FCHSD2: variants seen among roughly 807,000 people sequenced by gnomAD.
The protein encoded by FCHSD2 is FCH and double SH3 domains 2.
In FCHSD2, 38 loss-of-function variants were observed where a neutral mutation model predicts 108.1. That is an observed-to-expected ratio of 0.35 (90% confidence interval 0.27 to 0.46). The LOEUF (loss-of-function observed/expected upper bound fraction) is 0.46. Among genes scored for constraint, FCHSD2 ranks in the 20% least tolerant of loss-of-function variants. The pLI is 1.00. For synonymous variants in FCHSD2, 279 were observed against 314.7 expected (o/e 0.89, Z 1.20); for missense variants, 751 against 897.8 (o/e 0.84, Z 2.09).
chr11:72,958,337 G>A (rs1021119560), intron 8 of FCHSD2, among the ~76,000 whole-genome samples: 3 of 152,098 alleles, frequency 2.0e-5, no homozygotes, highest in African/African-American at 7.2e-5. Flanking sequence ...GGCCAATGTG[G>A]TGAAACTCTG....
chr11:73,140,558 T>C (rs781557622), intron 1 of FCHSD2, among the ~76,000 whole-genome samples: 1 of 152,174 alleles, frequency 6.6e-6, no homozygotes, highest in Non-Finnish European at 1.5e-5. Context: ...ATGACCAATA[T>C]TTACACAATC....
Position 72,975,107 on chromosome 11 carries a change from T to G in FCHSD2, c.705+8981A>C, listed in dbSNP as rs1440898237. ...TCCTGGCTTATTTCACTTAACATAA[T>G]GTCCTCTAGGGTCATCCATGTTATT... On this transcript the variant is annotated intron_variant, in intron 8 of 19. Coordinates refer to ENST00000409418, the MANE Select transcript of FCHSD2 (RefSeq NM_014824.3). 3.9e-5 allele frequency among the ~76,000 whole-genome samples: 6 copies of G among 152,342 alleles called. No individual in the cohort carries two copies. In the East Asian group the frequency reaches 1.2e-3, roughly 29 times the overall value.
chr11:72,977,630 C>CGA (rs1857127943), intron 8 of FCHSD2, among the ~76,000 whole-genome samples: 1 of 152,224 alleles, frequency 6.6e-6, no homozygotes, highest in South Asian at 2.1e-4. Context: ...AGCGAGCACG[C>CGA]TCTCACACCA....
chr11:72,921,679 C>G (rs1855978027), intron 9 of FCHSD2, 149 bp downstream of exon 9: 2 of 641,492 alleles, frequency 3.1e-6, no homozygotes, highest in Non-Finnish European at 5.3e-6. Flanking sequence ...AGAATCTCCT[C>G]CAACTTTGTT....
chr11:72,978,887 C>T (rs1455840432), intron 8 of FCHSD2, among the ~76,000 whole-genome samples: 2 of 127,516 alleles, frequency 1.6e-5, no homozygotes, highest in African/African-American at 5.9e-5. Flanking sequence ...GATGAAGTCT[C>T]ACTCTGTCAC....
chr11:72,936,040 T>C (rs952359721), intron 8 of FCHSD2, among the ~76,000 whole-genome samples: 1 of 152,238 alleles, frequency 6.6e-6, no homozygotes, highest in Non-Finnish European at 1.5e-5. Context: ...ACAGAAAACC[T>C]TGAACCCTAT....
At chr11:73,067,540 T>C (rs1254117774) in intron 3 of FCHSD2, among the ~76,000 whole-genome samples, 1 of 152,094 alleles carries the variant, frequency 6.6e-6, no homozygotes, top group Non-Finnish European at 1.5e-5. Context: ...CAATTTGAAC[T>C]TCCCCTCTGG....
chr11:72,900,220 T>TACCAAA, intron 10 of FCHSD2: 15 of 886,350 alleles, frequency 1.7e-5, no homozygotes, highest in East Asian at 2.8e-5. Context: ...AACCCACACT[T>TACCAAA]CCCATCCCTC....
chr11:73,042,927 C>G (rs1858675573), intron 3 of FCHSD2, among the ~76,000 whole-genome samples: 1 of 152,082 alleles, frequency 6.6e-6, no homozygotes, highest in Non-Finnish European at 1.5e-5. Flanking sequence ...CTACTGAATT[C>G]ATTTTTCAGT....
At chr11:72,853,660 C>A (rs1043266657) in intron 13 of FCHSD2, among the ~76,000 whole-genome samples, 1 of 151,962 alleles carries the variant, frequency 6.6e-6, no homozygotes, top group Non-Finnish European at 1.5e-5. Context: ...GGCAATCCCC[C>A]CACCTCAATG....
chr11:72,899,347 T>G (rs1030792247), intron 10 of FCHSD2, among the ~76,000 whole-genome samples: 1 of 152,070 alleles, frequency 6.6e-6, no homozygotes, highest in Non-Finnish European at 1.5e-5. Flanking sequence ...GAATAGACAT[T>G]TTACCAAAGA....
intron 2 of FCHSD2, among the ~76,000 whole-genome samples, chr11:73,130,293 C>A (rs1380284767): frequency 1.3e-5 from 2 of 152,118 alleles, no homozygotes; most frequent in Non-Finnish European, 2.9e-5. Context: ...GTTGCCCAGG[C>A]TGGAGTGTAG....
intron 2 of FCHSD2, among the ~76,000 whole-genome samples, chr11:73,128,497 A>G (rs752967045): frequency 6.6e-6 from 1 of 152,178 alleles, no homozygotes; most frequent in African/African-American, 2.4e-5. Context: ...ATAATGAAAT[A>G]TAAGGGAAAG....
intron 3 of FCHSD2, among the ~76,000 whole-genome samples, chr11:73,079,835 T>A (rs1859639900): frequency 2.0e-5 from 3 of 152,078 alleles, no homozygotes; most frequent in African/African-American, 7.2e-5. Context: ...TCTCTATAAA[T>A]GGGCTCGATT....
rs531538252 is a variant in FCHSD2, at chr11:72,924,408, G to A, written c.706-2458C>T. Among the ~76,000 whole-genome samples, 18 of 151,040 alleles carry A rather than the reference G, an allele frequency of 1.2e-4. No homozygotes were observed. In the South Asian group the frequency reaches 3.1e-3, roughly 26 times the overall value. On this transcript the variant is annotated intron_variant, in intron 8 of 19. Transcript: ENST00000409418. Reference sequence around the variant, plus strand: ...TTCTCCTGCCGCAGCCTCCCGAGTAGCTGGGACTACAGGTGCCCGCCACCA... The same window carrying A: ...TTCTCCTGCCGCAGCCTCCCGAGTAACTGGGACTACAGGTGCCCGCCACCA...
intron 9 of FCHSD2, among the ~76,000 whole-genome samples, chr11:72,915,594 G>T (rs1855856205): frequency 6.6e-6 from 1 of 152,120 alleles, no homozygotes; most frequent in Non-Finnish European, 1.5e-5. Flanking sequence ...CAAGGTGGGT[G>T]GATCACCTGA....
intron 3 of FCHSD2, among the ~76,000 whole-genome samples, chr11:73,043,057 A>G (rs1858678764): frequency 6.6e-6 from 1 of 152,102 alleles, no homozygotes; most frequent in Admixed American, 6.5e-5. Flanking sequence ...CTTTCTCTTG[A>G]CTGATGCTCT....
At chr11:73,074,593 A>G (rs1859507160) in intron 3 of FCHSD2, among the ~76,000 whole-genome samples, 1 of 152,222 alleles carries the variant, frequency 6.6e-6, no homozygotes, top group Admixed American at 6.5e-5. Flanking sequence ...CTGAATATAA[A>G]AGAAAAAAAA....
intron 8 of FCHSD2, among the ~76,000 whole-genome samples, chr11:72,928,450 C>T (rs891147978): frequency 6.6e-6 from 1 of 152,084 alleles, no homozygotes; most frequent in Admixed American, 6.6e-5. Context: ...TTTCATGTTC[C>T]CAAATAAGTT....
Sources: gnomAD v4.1 joint callset for allele counts (sites outside exome capture counted in the v4.1 genomes callset) on GRCh38, gnomAD v4.1.1 for gene constraint, MANE v1.5 for transcripts, NCBI Gene and HGNC (gene_info 2026-07-23, HGNC 2026-07-21) for gene names.